BCAS3: variants seen among roughly 807,000 people sequenced by gnomAD.
BCAS3 encodes the protein BCAS3 microtubule associated cell migration factor.
A neutral mutation model predicts 116.1 loss-of-function variants in BCAS3; 53 were observed. The ratio of observed to expected loss-of-function variants is 0.46; its 90% confidence interval spans 0.37 to 0.57. The LOEUF (loss-of-function observed/expected upper bound fraction) is 0.57, where lower values mean the gene tolerates loss of function less well. Ranked by LOEUF, BCAS3 falls within the 20% of genes least tolerant of loss-of-function variation. BCAS3 has a pLI of 0.00. For synonymous variants in BCAS3, 391 were observed against 408.2 expected (o/e 0.96, Z 0.51); for missense variants, 917 against 1,165.4 (o/e 0.79, Z 3.10).
At chr17:60,936,130 T>C (rs917347938) in intron 13 of BCAS3, among the ~76,000 whole-genome samples, 3 of 151,522 alleles carry the variant, frequency 2.0e-5, no homozygotes, top group African/African-American at 4.9e-5. Flanking sequence ...GTCCTTGTGA[T>C]AGTTTGCTGA....
intron 4 of BCAS3, among the ~76,000 whole-genome samples, chr17:60,704,707 G>A (rs1380841264): frequency 6.6e-6 from 1 of 151,558 alleles, no homozygotes; most frequent in Non-Finnish European, 1.5e-5. Context: ...GCATGGTGGT[G>A]CGTGCCTATA....
chr17:60,902,632 C>T lies in BCAS3; in HGVS notation c.751C>T (p.His251Tyr), dbSNP rs1247721403. Residue 251 changes from histidine (H) to tyrosine (Y), a missense_variant, in exon 11 of 24, where the codon CAT (histidine) becomes TAT (tyrosine). His to Tyr is a moderately conservative substitution (Grantham distance 83). Coordinates refer to ENST00000407086, the MANE Select transcript of BCAS3 (RefSeq NM_017679.5). ...CTCTTTTTCTCAGTTGATTCGATGT[C>T]ATCAGTCCCGTGGTGGAGCCTGTGG... ...AYAENKLIRC[H>Y]QSRGGACGDN... The T allele has an allele frequency of 3.7e-6, 6 of 1,610,658 alleles. No homozygotes were observed. The highest frequency in any genetic ancestry group is 2.2e-5 in the East Asian group (1 of 44,840).
In BCAS3 at chr17:61,012,699, G is replaced by C. The variant is rs2065189845; in HGVS notation, c.1487-3052G>C. Among the ~76,000 whole-genome samples, 1 of 152,018 alleles carries C rather than the reference G, an allele frequency of 6.6e-6. No homozygotes were observed. ...AATGGACTCTACAGCATAAACACAG[G>C]AGCAGGCTGAGAAGGATAGATCTGA... On this transcript the variant is annotated intron_variant, in intron 15 of 23. Coordinates refer to ENST00000407086, the MANE Select transcript of BCAS3 (RefSeq NM_017679.5). The surrounding 1 kb of genome is among the most constrained non-coding windows in gnomAD (Gnocchi z 4.5).
chr17:60,723,383 C>T (rs1014083412), intron 5 of BCAS3, among the ~76,000 whole-genome samples: 1 of 152,020 alleles, frequency 6.6e-6, no homozygotes, highest in Non-Finnish European at 1.5e-5. Context: ...CACCACCATG[C>T]CAAGGTAATT....
intron 14 of BCAS3, chr17:60,986,790 C>T (rs2063169082): frequency 6.6e-6 from 1 of 152,210 alleles, no homozygotes; most frequent in East Asian, 1.9e-4. Context: ...CGGGTTATCA[C>T]TTTGTCGATT....
At chr17:60,992,189 TACACAC>T (rs576760115) in intron 15 of BCAS3, among the ~76,000 whole-genome samples, 2,945 of 130,698 alleles carry the variant, frequency 0.023, 60 homozygotes, top group African/African-American at 0.058. Context: ...TCCGATGACT[TACACAC>T]ACACACACAC....
chr17:61,089,284 G>C (rs2073333772), intron 22 of BCAS3, among the ~76,000 whole-genome samples: 1 of 151,444 alleles, frequency 6.6e-6, no homozygotes, highest in Non-Finnish European at 1.5e-5. Context: ...TATGTATTTG[G>C]CATTTGGTAT....
chr17:61,102,198 T>A (rs1426437072), intron 22 of BCAS3, among the ~76,000 whole-genome samples: 3 of 152,170 alleles, frequency 2.0e-5, no homozygotes, highest in Non-Finnish European at 2.9e-5. Flanking sequence ...TAAGCTGATA[T>A]AATTTTGAAT....
At chr17:61,369,664 C>T (rs548082497) in intron 23 of BCAS3, among the ~76,000 whole-genome samples, 1 of 152,304 alleles carries the variant, frequency 6.6e-6, no homozygotes, top group Non-Finnish European at 1.5e-5. Context: ...GTGGCCTGCC[C>T]GTGGTGCTCC....
chr17:60,869,155 T>C (rs1284757323), intron 8 of BCAS3, among the ~76,000 whole-genome samples: 1 of 152,232 alleles, frequency 6.6e-6, no homozygotes, highest in African/African-American at 2.4e-5. Flanking sequence ...GGAGCTAAAA[T>C]AGGGACTAGA....
rs73993717 is a variant in BCAS3, at chr17:61,192,834, A to G, written c.2425+108270A>G. ...ATAGAATAGCAATACCTTTCATATT[A>G]TAATTTACTTACATGGAATGAAAAC... On this transcript the variant is annotated intron_variant, in intron 22 of 23. Coordinates refer to ENST00000407086, the MANE Select transcript of BCAS3 (RefSeq NM_017679.5). Among the ~76,000 whole-genome samples the G allele has an allele frequency of 8.7e-4, 132 of 152,382 alleles. 1 individual carries two copies. Among genetic ancestry groups the G allele is most frequent in the African/African-American group, 3.1e-3 (128 of 41,590 alleles).
Position 61,189,636 on chromosome 17 carries a change from G to A in BCAS3, c.2425+105072G>A, listed in dbSNP as rs1015820246. On this transcript the variant is annotated intron_variant, in intron 22 of 23. Coordinates refer to ENST00000407086, the MANE Select transcript of BCAS3 (RefSeq NM_017679.5). The surrounding 1 kb of genome is among the most constrained non-coding windows in gnomAD (Gnocchi z 4.5). ...GAAAGGAGAAGAATGGAGAGGAATA[G>A]AAAGTTGAAAAATAGCTACAAGTAA... Among the ~76,000 whole-genome samples, 6 of 152,160 alleles carry A rather than the reference G, an allele frequency of 3.9e-5. No individual in the cohort carries two copies. Among genetic ancestry groups the A allele is most frequent in the African/African-American group, 1.4e-4 (6 of 41,446 alleles).
At chr17:61,350,059 T>C (rs1314912511) in intron 22 of BCAS3, among the ~76,000 whole-genome samples, 2 of 152,176 alleles carry the variant, frequency 1.3e-5, no homozygotes, top group Non-Finnish European at 2.9e-5. Flanking sequence ...ACCTACTGAG[T>C]AGAAAACTCA....
Position 61,105,898 on chromosome 17 carries a change from A to G in BCAS3, c.2425+21334A>G, listed in dbSNP as rs2143695072. 6.6e-6 allele frequency among the ~76,000 whole-genome samples: 1 copy of G among 152,326 alleles called. No individual in the cohort carries two copies. Among genetic ancestry groups the G allele is most frequent in the South Asian group, 2.1e-4 (1 of 4,830 alleles). On this transcript the variant is annotated intron_variant, in intron 22 of 23. Transcript: ENST00000407086. This position sits in a 1 kb window ranked among gnomAD's most constrained non-coding sequence, Gnocchi z 4.3. ...TATTTAAAATATTGTCCAGAAATAA[A>G]CAATTCATACATGTTCAATTTTGTG...
intron 4 of BCAS3, among the ~76,000 whole-genome samples, chr17:60,695,914 A>G (rs912643420): frequency 5.3e-5 from 8 of 152,098 alleles, no homozygotes; most frequent in African/African-American, 1.9e-4. Flanking sequence ...GGGATTTAAA[A>G]ATAATCTACT....
At chr17:60,779,783 T>C (rs1216463499) in intron 6 of BCAS3, among the ~76,000 whole-genome samples, 1 of 152,106 alleles carries the variant, frequency 6.6e-6, no homozygotes, top group Non-Finnish European at 1.5e-5. Context: ...GCATGTCAGA[T>C]AAGGGGTACT....
At chr17:61,284,475 C>A (rs1005323952) in intron 22 of BCAS3, among the ~76,000 whole-genome samples, 8 of 152,162 alleles carry the variant, frequency 5.3e-5, no homozygotes, top group Non-Finnish European at 1.2e-4. Context: ...TCCAGACACA[C>A]CATCTTTAAG....
rs1486405416 is a variant in BCAS3, at chr17:61,181,416, T to C, written c.2425+96852T>C. Among the ~76,000 whole-genome samples the C allele has an allele frequency of 5.3e-5, 8 of 152,224 alleles. No individual in the cohort carries two copies. The highest frequency in any genetic ancestry group is 4.4e-5 in the Non-Finnish European group (3 of 68,034). On this transcript the variant is annotated intron_variant, in intron 22 of 23. Coordinates refer to ENST00000407086, the MANE Select transcript of BCAS3 (RefSeq NM_017679.5). The surrounding 1 kb of genome is among the most constrained non-coding windows in gnomAD (Gnocchi z 5.0). ...ACTCAGAGAACTGAGAAGTGATTTATTGCTGGAGGTGATATTATCTTTGAA... is the reference window on the plus strand; with the variant it reads ...ACTCAGAGAACTGAGAAGTGATTTACTGCTGGAGGTGATATTATCTTTGAA...
intron 14 of BCAS3, among the ~76,000 whole-genome samples, chr17:60,984,112 A>G (rs1322092024): frequency 5.3e-5 from 8 of 152,342 alleles, no homozygotes; most frequent in African/African-American, 1.9e-4. Context: ...GTCTTTAATT[A>G]TATCATTAAT....
Sources: gnomAD v4.1 joint callset for allele counts (sites outside exome capture counted in the v4.1 genomes callset) on GRCh38, gnomAD v4.1.1 for gene constraint, Gnocchi (gnomAD v3.1) non-coding constraint, MANE v1.5 for transcripts, NCBI Gene and HGNC (gene_info 2026-07-23, HGNC 2026-07-21) for gene names.